The following TMEM117 variants were observed in gnomAD, a reference collection of about 807,000 sequenced individuals.
TMEM117 encodes transmembrane protein 117.
TMEM117 carries 27 observed loss-of-function variants against 52.4 expected under a neutral mutation model. That is an observed-to-expected ratio of 0.51 (90% CI 0.38 to 0.71). The LOEUF (loss-of-function observed/expected upper bound fraction) is 0.71. Among genes scored for constraint, TMEM117 ranks in the 30% least tolerant of loss-of-function variants. The pLI is 0.00. For missense variants in TMEM117, 556 were observed against 630.5 expected (o/e 0.88, Z 1.26); for synonymous variants, 215 against 206.3 (o/e 1.04, Z -0.36).
chr12:44,061,077 G>A (rs1203313424), intron 3 of TMEM117, among the ~76,000 whole-genome samples: 1 of 152,118 alleles, frequency 6.6e-6, no homozygotes, highest in Non-Finnish European at 1.5e-5. Context: ...AGAAAAGTGG[G>A]CTTTTGTCAT....
chr12:43,865,551 G>A (rs1004297831), intron 2 of TMEM117, among the ~76,000 whole-genome samples: 1 of 151,936 alleles, frequency 6.6e-6, no homozygotes, highest in South Asian at 2.1e-4. Context: ...ACAAAAATTA[G>A]CCGGGCGTGG....
At chr12:44,225,458 G>A (rs1476297550) in intron 5 of TMEM117, among the ~76,000 whole-genome samples, 1 of 152,048 alleles carries the variant, frequency 6.6e-6, no homozygotes. Flanking sequence ...ACTATCAAAG[G>A]CAATTTAGTA....
intron 5 of TMEM117, among the ~76,000 whole-genome samples, chr12:44,277,057 C>T (rs1237564814): frequency 3.9e-5 from 6 of 152,082 alleles, no homozygotes; most frequent in African/African-American, 2.4e-5. Flanking sequence ...TATTCTTTCT[C>T]GTGAAATTTT....
chr12:44,125,637 T>G (rs189290852), intron 3 of TMEM117, among the ~76,000 whole-genome samples: 1 of 152,292 alleles, frequency 6.6e-6, no homozygotes, highest in Non-Finnish European at 1.5e-5. Context: ...TAGTGGTCTA[T>G]CTGTTTTATT....
chr12:44,150,317 G>A (rs75108169), intron 4 of TMEM117, among the ~76,000 whole-genome samples: 2,796 of 152,228 alleles, frequency 0.018, 68 homozygotes, highest in East Asian at 0.056. Flanking sequence ...AGAGAAACAG[G>A]AGAGAGAAAG....
intron 6 of TMEM117, among the ~76,000 whole-genome samples, chr12:44,349,515 A>G (rs578025452): frequency 2.0e-5 from 3 of 152,164 alleles, no homozygotes; most frequent in African/African-American, 4.8e-5. Context: ...CTGTCCCTCC[A>G]TTATTAATCA....
intron 3 of TMEM117, among the ~76,000 whole-genome samples, chr12:43,958,562 A>G (rs1945345232): frequency 6.6e-6 from 1 of 152,218 alleles, no homozygotes; most frequent in South Asian, 2.1e-4. Context: ...GGACCTGAAC[A>G]ACGTGAAGGT....
intron 5 of TMEM117, among the ~76,000 whole-genome samples, chr12:44,274,828 A>G (rs1950492947): frequency 6.6e-6 from 1 of 152,166 alleles, no homozygotes; most frequent in Admixed American, 6.5e-5. Flanking sequence ...TTTAAATCCA[A>G]GACTTCAGCC....
chr12:44,347,161 A>G (rs1951499506), intron 6 of TMEM117, among the ~76,000 whole-genome samples: 1 of 152,032 alleles, frequency 6.6e-6, no homozygotes, highest in Non-Finnish European at 1.5e-5. Flanking sequence ...AATCCTACCT[A>G]TATTGTAACC....
chr12:43,850,379 C>A (rs944760012), intron 2 of TMEM117, among the ~76,000 whole-genome samples: 12 of 152,190 alleles, frequency 7.9e-5, no homozygotes, highest in African/African-American at 2.7e-4. Flanking sequence ...TGATTGATAT[C>A]CGAAGCTATT....
intron 2 of TMEM117, among the ~76,000 whole-genome samples, chr12:43,941,990 TG>T (rs1180711943): frequency 6.6e-6 from 1 of 152,242 alleles, no homozygotes; most frequent in African/African-American, 2.4e-5. Context: ...CATATGCTTA[TG>T]TTAAGAAAGA....
At chr12:44,278,504 C>T (rs1421006813) in intron 5 of TMEM117, among the ~76,000 whole-genome samples, 3 of 152,148 alleles carry the variant, frequency 2.0e-5, no homozygotes, top group African/African-American at 7.2e-5. Context: ...TGCTATTTAG[C>T]TGTAAGCATG....
chr12:43,981,825 A>G (rs1169933816), intron 3 of TMEM117, among the ~76,000 whole-genome samples: 9 of 152,212 alleles, frequency 5.9e-5, no homozygotes, highest in Non-Finnish European at 1.2e-4. Flanking sequence ...AGAAGCAGAG[A>G]GTAGAACAGT....
intron 4 of TMEM117, among the ~76,000 whole-genome samples, chr12:44,192,877 A>C (rs1949373333): frequency 6.6e-6 from 1 of 152,168 alleles, no homozygotes; most frequent in African/African-American, 2.4e-5. Flanking sequence ...GGATCATGGA[A>C]AAATATGTTA....
intron 5 of TMEM117, among the ~76,000 whole-genome samples, chr12:44,255,556 A>C (rs2138524930): frequency 6.6e-6 from 1 of 152,292 alleles, no homozygotes; most frequent in African/African-American, 2.4e-5. Context: ...CAGCTGTGTA[A>C]GATAGCATGT....
chr12:44,373,349 G>A (rs1213111595), intron 6 of TMEM117, among the ~76,000 whole-genome samples: 1 of 152,226 alleles, frequency 6.6e-6, no homozygotes. Flanking sequence ...TGGGAGGACT[G>A]TGCTCTGGCC....
intron 2 of TMEM117, among the ~76,000 whole-genome samples, chr12:43,920,677 C>T (rs1259845890): frequency 2.0e-5 from 3 of 151,704 alleles, no homozygotes; most frequent in South Asian, 4.2e-4. Flanking sequence ...GCCTCAGCCT[C>T]CTGAGTAGCT....
chr12:44,361,685 T>A (rs1951722955), intron 6 of TMEM117, among the ~76,000 whole-genome samples: 1 of 152,252 alleles, frequency 6.6e-6, no homozygotes, highest in East Asian at 1.9e-4. Context: ...AATTAATACA[T>A]AAATGTGAAG....
intron 3 of TMEM117, among the ~76,000 whole-genome samples, chr12:44,086,970 A>AT (rs1947579851): frequency 6.8e-6 from 1 of 147,542 alleles, no homozygotes; most frequent in Non-Finnish European, 1.5e-5. Flanking sequence ...TAATAATTAT[A>AT]AATTATATAA....
Sources: allele counts gnomAD v4.1 joint callset (sites outside exome capture counted in the v4.1 genomes callset), GRCh38; gene constraint gnomAD v4.1.1; transcripts MANE v1.5; gene names NCBI Gene and HGNC (gene_info 2026-07-23, HGNC 2026-07-21).